Variants in GALNT18 observed in about 807,000 individuals in gnomAD.
The protein encoded by GALNT18 is polypeptide N-acetylgalactosaminyltransferase 18, also known as GalNAc-transferase 18.
A neutral mutation model predicts 69.5 loss-of-function variants in GALNT18; 44 were observed. That is an observed-to-expected ratio of 0.63 (90% CI 0.50 to 0.81). The LOEUF is 0.81. GALNT18 is among the 40% of genes least tolerant of loss of function. GALNT18 has a pLI of 0.00. For synonymous variants in GALNT18, 364 were observed against 318.2 expected (o/e 1.14, Z -1.53); for missense variants, 715 against 810.0 (o/e 0.88, Z 1.42).
At chr11:11,351,311 A>T (rs1054024344) in intron 6 of GALNT18, among the ~76,000 whole-genome samples, 1 of 152,220 alleles carries the variant, frequency 6.6e-6, no homozygotes, top group African/African-American at 2.4e-5. Context: ...GGGTGAAGCT[A>T]GCCAGGGTGG....
chr11:11,370,468 C>T (rs143739955), intron 6 of GALNT18, among the ~76,000 whole-genome samples: 10 of 152,260 alleles, frequency 6.6e-5, no homozygotes, highest in South Asian at 4.1e-4. Context: ...ATGAACTCAT[C>T]CCTCCCATTT....
intron 6 of GALNT18, among the ~76,000 whole-genome samples, chr11:11,366,399 G>C (rs984672977): frequency 1.1e-4 from 16 of 152,244 alleles, no homozygotes; most frequent in Middle Eastern, 3.4e-3. Flanking sequence ...GCATCTACAT[G>C]TATAATAGAT....
chr11:11,335,869 G>A (rs1850102985), intron 7 of GALNT18, among the ~76,000 whole-genome samples: 2 of 152,204 alleles, frequency 1.3e-5, no homozygotes, highest in African/African-American at 4.8e-5. Context: ...CTCCCCTCGA[G>A]ATGCTGGAGG....
At chr11:11,449,919 A>T (rs141456241) in intron 1 of GALNT18, among the ~76,000 whole-genome samples, 41 of 152,394 alleles carry the variant, frequency 2.7e-4, no homozygotes, top group African/African-American at 9.6e-4. Context: ...AATTAGGGTT[A>T]TTATAGCAAG....
intron 10 of GALNT18, among the ~76,000 whole-genome samples, chr11:11,286,893 G>C (rs1849206071): frequency 6.6e-6 from 1 of 152,048 alleles, no homozygotes; most frequent in African/African-American, 2.4e-5. Flanking sequence ...CCCTTCTCAG[G>C]GTTTGCCATC....
intron 10 of GALNT18, among the ~76,000 whole-genome samples, chr11:11,287,846 AAC>A (rs1484242709): frequency 6.6e-6 from 1 of 152,096 alleles, no homozygotes; most frequent in Non-Finnish European, 1.5e-5. Context: ...AATGTTCTCA[AAC>A]ACAGGGCTGG....
chr11:11,276,397 G>A (rs1432215275), intron 10 of GALNT18, among the ~76,000 whole-genome samples: 1 of 152,210 alleles, frequency 6.6e-6, no homozygotes, highest in Non-Finnish European at 1.5e-5. Context: ...AGACTTTGCT[G>A]AAGTTGCTTA....
chr11:11,536,026 G>A lies in GALNT18; in HGVS notation c.235+85333C>T, dbSNP rs11021911. On this transcript the variant is annotated intron_variant, in intron 1 of 10. Transcript: ENST00000227756. Reference sequence around the variant, plus strand: ...CTCCACCCATTTCCCATCCAAACACGTACACAGTAATTCATGGTTTAGTCT... The same window carrying A: ...CTCCACCCATTTCCCATCCAAACACATACACAGTAATTCATGGTTTAGTCT... 5.9e-3 allele frequency among the ~76,000 whole-genome samples: 903 copies of A among 152,248 alleles called. 44 individuals carry two copies. In the East Asian group the frequency reaches 0.12, roughly 21 times the overall value.
intron 1 of GALNT18, among the ~76,000 whole-genome samples, chr11:11,529,653 A>G (rs1200547293): frequency 6.6e-6 from 1 of 152,068 alleles, no homozygotes; most frequent in Non-Finnish European, 1.5e-5. Flanking sequence ...ACACACACAC[A>G]CACAGAGACA....
chr11:11,515,465 G>A (rs536715236), intron 1 of GALNT18, among the ~76,000 whole-genome samples: 2 of 152,202 alleles, frequency 1.3e-5, no homozygotes, highest in African/African-American at 4.8e-5. Context: ...TGCTCTCTCT[G>A]TATGCTGCCC....
At position 11,523,580 on chromosome 11, in the gene GALNT18, G is replaced by A. The variant is rs757576893; in HGVS notation, c.236-74644C>T. 3.9e-5 allele frequency among the ~76,000 whole-genome samples: 6 copies of A among 151,984 alleles called. No homozygotes were observed. Among genetic ancestry groups the A allele is most frequent in the East Asian group, 1.9e-4 (1 of 5,150 alleles). On this transcript the variant is annotated intron_variant, in intron 1 of 10. Transcript: ENST00000227756. This position sits in a 1 kb window ranked among gnomAD's most constrained non-coding sequence, Gnocchi z 4.3. ...TAAAAATACAAAAAATTAGCCAGGC[G>A]TGTTGGTGGGCTCCTGTAGTCCCAG... is the stretch of plus-strand genomic sequence containing the variant.
Position 11,591,194 on chromosome 11 carries a change from A to T in GALNT18, c.235+30165T>A, listed in dbSNP as rs1427402110. On this transcript the variant is annotated intron_variant, in intron 1 of 10. Transcript: ENST00000227756. The surrounding 1 kb of genome is among the most constrained non-coding windows in gnomAD (Gnocchi z 4.8). ...TGTGTGTGTGTGTGTGTTAGTTTTT[A>T]AGCCTTTTTAAGGCCTTTTTAAGGC... is the stretch of plus-strand genomic sequence containing the variant. 1.4e-5 allele frequency among the ~76,000 whole-genome samples: 2 copies of T among 140,040 alleles called. No individual in the cohort carries two copies. Among genetic ancestry groups the T allele is most frequent in the Non-Finnish European group, 3.1e-5 (2 of 64,522 alleles). The allele number at this position is 140,040 out of a possible 152,430, so 91.9% of individuals were successfully genotyped here. A position where few individuals can be genotyped will look rare whatever the true frequency, so the allele number is the denominator to read the frequency against.
rs1857392454 is a variant in GALNT18, at chr11:11,521,236, A to G, written c.236-72300T>C. Among the ~76,000 whole-genome samples the G allele has an allele frequency of 2.0e-5, 3 of 152,198 alleles. No individual in the cohort carries two copies. In the South Asian group the frequency reaches 6.2e-4, roughly 32 times the overall value. On this transcript the variant is annotated intron_variant, in intron 1 of 10. Coordinates refer to ENST00000227756, the MANE Select transcript of GALNT18 (RefSeq NM_198516.3). Reference sequence around the variant, plus strand: ...CTAGCGAGCTAGAAGTTCTCTAAGGATCTTAAAGATCACCACTATCTGGAT... The same window carrying G: ...CTAGCGAGCTAGAAGTTCTCTAAGGGTCTTAAAGATCACCACTATCTGGAT...
intron 1 of GALNT18, among the ~76,000 whole-genome samples, chr11:11,453,207 C>T (rs569002725): frequency 9.9e-5 from 15 of 152,256 alleles, no homozygotes; most frequent in East Asian, 3.9e-4. Flanking sequence ...GCCCCAAGTA[C>T]GGCCTGAGGA....
At chr11:11,425,197 T>C (rs939940647) in intron 3 of GALNT18, among the ~76,000 whole-genome samples, 8 of 152,226 alleles carry the variant, frequency 5.3e-5, no homozygotes, top group African/African-American at 1.7e-4. Flanking sequence ...CTGAGTTGTA[T>C]GCCTTCTCCT....
rs908051175 is a variant in GALNT18, at chr11:11,454,499, T to C, written c.236-5563A>G. On this transcript the variant is annotated intron_variant, in intron 1 of 10. Coordinates refer to ENST00000227756, the MANE Select transcript of GALNT18 (RefSeq NM_198516.3). This position sits in a 1 kb window ranked among gnomAD's most constrained non-coding sequence, Gnocchi z 4.2. Reference sequence around the variant, plus strand: ...GCAGGGAGAGAAGGAGGCTGTGTCTTCTTCTTGCCTCTCTCTCTCTCTCTC... The same window carrying C: ...GCAGGGAGAGAAGGAGGCTGTGTCTCCTTCTTGCCTCTCTCTCTCTCTCTC... 2.0e-5 allele frequency among the ~76,000 whole-genome samples: 3 copies of C among 150,926 alleles called. No homozygotes were observed. The highest frequency in any genetic ancestry group is 7.3e-5 in the African/African-American group (3 of 41,054).
intron 7 of GALNT18, among the ~76,000 whole-genome samples, chr11:11,335,969 C>T (rs1850104305): frequency 6.6e-6 from 1 of 152,128 alleles, no homozygotes; most frequent in Non-Finnish European, 1.5e-5. Context: ...CCACCAAATT[C>T]ATGGTAATTT....
intron 1 of GALNT18, among the ~76,000 whole-genome samples, chr11:11,549,411 C>A (rs1057021055): frequency 6.6e-6 from 1 of 152,238 alleles, no homozygotes; most frequent in Non-Finnish European, 1.5e-5. Context: ...TTGGTCTGCA[C>A]TTCTAGGAAT....
At chr11:11,514,029 G>A (rs1200479786) in intron 1 of GALNT18, among the ~76,000 whole-genome samples, 1 of 152,218 alleles carries the variant, frequency 6.6e-6, no homozygotes, top group African/African-American at 2.4e-5. Context: ...AGGGGACCCT[G>A]TTGCTGTGAG....
Sources: gnomAD v4.1 joint callset for allele counts (sites outside exome capture counted in the v4.1 genomes callset) on GRCh38, gnomAD v4.1.1 for gene constraint, Gnocchi (gnomAD v3.1) non-coding constraint, MANE v1.5 for transcripts, NCBI Gene and HGNC (gene_info 2026-07-23, HGNC 2026-07-21) for gene names.